WSCD2: variants seen among roughly 807,000 people sequenced by gnomAD.
WSCD2 encodes sialate:O-sulfotransferase 2.
In WSCD2, 28 loss-of-function variants were observed where a neutral mutation model predicts 55.7. The observed-to-expected ratio is 0.50, with a 90% CI of 0.37 to 0.69. The LOEUF (loss-of-function observed/expected upper bound fraction) is 0.69. Among genes scored for constraint, WSCD2 ranks in the 30% least tolerant of loss-of-function variants. The probability of loss-of-function intolerance (pLI) is 0.00; values close to 1 mark genes in which losing one functional copy is unlikely to be tolerated. For synonymous variants in WSCD2, 301 were observed against 301.9 expected, an observed-to-expected ratio of 1.00 and a Z score of 0.03; for missense variants, 616 against 762.1, an observed-to-expected ratio of 0.81 and a Z score of 2.26.
chr12:108,215,703 G>A (rs1288284932), intron 4 of WSCD2, among the ~76,000 whole-genome samples: 1 of 152,162 alleles, frequency 6.6e-6, no homozygotes, highest in East Asian at 1.9e-4. Flanking sequence ...AGTGGAGCTT[G>A]GCCTAATTAC....
chr12:108,216,284 G>C (rs1193079938), intron 4 of WSCD2, among the ~76,000 whole-genome samples: 1 of 152,182 alleles, frequency 6.6e-6, no homozygotes, highest in Non-Finnish European at 1.5e-5. Flanking sequence ...TCACCTCATA[G>C]GTTGCTGTGA....
chr12:108,194,091 C>T (rs751093109), intron 1 of WSCD2, among the ~76,000 whole-genome samples: 1 of 152,146 alleles, frequency 6.6e-6, no homozygotes, highest in Non-Finnish European at 1.5e-5. Flanking sequence ...TTCTAATTTA[C>T]ATTCTATTTT....
Position 108,210,271 on chromosome 12 carries a change from C to T in WSCD2, c.648C>T (p.Tyr216=), listed in dbSNP as rs775879562. The stretch of plus-strand genomic sequence containing the variant: ...GCGGCGCCAACCGCCTCTCTGTCTA[C>T]CGGCTGCAGCTGGCCCAGGAGTCGG... ...VCGGANRLSV[Y]RLQLAQESAR... is the part of the protein sequence containing the mutation. The change falls in exon 4 of 9, where the codon TAC becomes TAT. Residue 216 remains tyrosine (Y), a synonymous_variant. Transcript: ENST00000547525. This position sits in a 1 kb window ranked among gnomAD's most constrained non-coding sequence, Gnocchi z 4.3. 6 of 1,604,546 alleles carry T rather than the reference C, an allele frequency of 3.7e-6. No homozygotes were observed. The highest frequency in any genetic ancestry group is 4.3e-6 in the Non-Finnish European group (5 of 1,176,144).
chr12:108,248,504 G>C lies in WSCD2; in HGVS notation c.*161G>C. ...ATGAGTTTCCTGCATGACAGAGGAG[G>C]CTCAAGGGAAGAGATTGCCCAGGCA... On this transcript the variant is annotated 3_prime_UTR_variant, in exon 9 of 9. Transcript: ENST00000547525. This position sits in a 1 kb window ranked among gnomAD's most constrained non-coding sequence, Gnocchi z 4.3. 7.0e-7 allele frequency: 1 copy of C among 1,425,788 alleles called. No homozygotes were observed. The highest frequency in any genetic ancestry group is 2.5e-5 in the East Asian group (1 of 39,666). 88.3% of individuals were successfully genotyped at this position (1,425,788 alleles called of 1,614,324 possible). A position where few individuals can be genotyped will look rare whatever the true frequency, so the allele number is the denominator to read the frequency against.
chr12:108,224,256 C>T (rs1887834838), intron 4 of WSCD2, among the ~76,000 whole-genome samples: 2 of 93,564 alleles, frequency 2.1e-5, no homozygotes, highest in South Asian at 5.6e-4. Context: ...CCCGTAAAGC[C>T]CAGGGCAATG....
chr12:108,230,566 G>A (rs1888639782), intron 6 of WSCD2, among the ~76,000 whole-genome samples: 2 of 152,244 alleles, frequency 1.3e-5, no homozygotes, highest in African/African-American at 4.8e-5. Context: ...TTTTTCCTAT[G>A]TCACCCAAAA....
At chr12:108,173,427 T>C (rs915070505) in intron 1 of WSCD2, among the ~76,000 whole-genome samples, 2 of 152,116 alleles carry the variant, frequency 1.3e-5, no homozygotes, top group African/African-American at 2.4e-5. Flanking sequence ...ACGTGAAGGC[T>C]CTTGAATTAA....
intron 1 of WSCD2, among the ~76,000 whole-genome samples, chr12:108,132,653 G>A (rs1049644733): frequency 1.3e-5 from 2 of 152,224 alleles, no homozygotes; most frequent in African/African-American, 4.8e-5. Flanking sequence ...CTAAGCAGGT[G>A]TATGCCTGCA....
Position 108,248,631 on chromosome 12 carries a change from C to G in WSCD2, c.*288C>G. On this transcript the variant is annotated 3_prime_UTR_variant, in exon 9 of 9. Coordinates refer to ENST00000547525, the MANE Select transcript of WSCD2 (RefSeq NM_014653.4). This position sits in a 1 kb window ranked among gnomAD's most constrained non-coding sequence, Gnocchi z 4.3. ...TTTCTGTCTCCTGGGTCCCTGCCCC[C>G]ACCACTCTGGGTTCCATTTGTGGGA... The G allele has an allele frequency of 8.7e-7, 1 of 1,148,940 alleles. No homozygotes were observed. The highest frequency in any genetic ancestry group is 3.7e-4 in the Middle Eastern group (1 of 2,676). 71.2% of individuals were successfully genotyped at this position (1,148,940 alleles called of 1,614,324 possible).
At chr12:108,131,625 A>T (rs1035470275) in intron 1 of WSCD2, 2 of 152,312 alleles carry the variant, frequency 1.3e-5, no homozygotes, top group East Asian at 3.8e-4. Flanking sequence ...TGGGGCATCT[A>T]TCTGGGTGCT....
chr12:108,231,184 C>A (rs562933452), intron 6 of WSCD2, among the ~76,000 whole-genome samples: 2 of 152,198 alleles, frequency 1.3e-5, no homozygotes, highest in South Asian at 4.2e-4. Flanking sequence ...GGGAGGTTTG[C>A]CTGCCTTCCC....
intron 4 of WSCD2, among the ~76,000 whole-genome samples, chr12:108,212,099 T>C (rs1886265844): frequency 6.6e-6 from 1 of 152,168 alleles, no homozygotes; most frequent in South Asian, 2.1e-4. Flanking sequence ...AGTTCAGGTA[T>C]GAAGCCCTAG....
At chr12:108,133,807 G>A (rs2136854673) in intron 1 of WSCD2, among the ~76,000 whole-genome samples, 1 of 152,306 alleles carries the variant, frequency 6.6e-6, no homozygotes, top group African/African-American at 2.4e-5. Flanking sequence ...CTTCTACTTA[G>A]GACGGCTGCT....
In WSCD2 at chr12:108,173,810, C is replaced by CTCTGTGTG. The variant is rs376999073; in HGVS notation, c.-551-21471_-551-21470insCTGTGTGT. 7.3e-3 allele frequency among the ~76,000 whole-genome samples: 957 copies of CTCTGTGTG among 131,228 alleles called. 6 individuals are homozygous for CTCTGTGTG. The highest frequency in any genetic ancestry group is 9.8e-3 in the Non-Finnish European group (614 of 62,414). 86.1% of individuals were successfully genotyped at this position (131,228 alleles called of 152,430 possible). The stretch of plus-strand genomic sequence containing the variant: ...TGAGGCAGAGCTGATTCCTGGCTCT[C>CTCTGTGTG]TGTGTGTGTGTGTGTGTGTGTGTGT... On this transcript the variant is annotated intron_variant, in intron 1 of 8. Transcript: ENST00000547525.
In WSCD2 at chr12:108,148,667, G is replaced by T. The variant is rs148240481; in HGVS notation, c.-552+18741G>T. ...GAGTAAAAACCACTCAGTAATGAGTGGTAGAACCAGGCTGGAACCTAGGTC... is the reference window on the plus strand; with the variant it reads ...GAGTAAAAACCACTCAGTAATGAGTTGTAGAACCAGGCTGGAACCTAGGTC... On this transcript the variant is annotated intron_variant, in intron 1 of 8. Coordinates refer to ENST00000547525, the MANE Select transcript of WSCD2 (RefSeq NM_014653.4). Among the ~76,000 whole-genome samples, 19 of 152,216 alleles carry T rather than the reference G, an allele frequency of 1.2e-4. No homozygotes were observed. In the East Asian group the frequency reaches 2.9e-3, roughly 23 times the overall value.
chr12:108,153,101 T>TCAAACAAA (rs111444949), intron 1 of WSCD2, among the ~76,000 whole-genome samples: 43,539 of 150,592 alleles, frequency 0.29, 7,426 homozygotes, highest in Non-Finnish European at 0.38. Flanking sequence ...AGACTCTGTC[T>TCAAACAAA]CAAACAAACA....
chr12:108,177,395 A>T (rs1437646737), intron 1 of WSCD2, among the ~76,000 whole-genome samples: 1 of 152,134 alleles, frequency 6.6e-6, no homozygotes, highest in Non-Finnish European at 1.5e-5. Flanking sequence ...CTGTGTATTT[A>T]AAAGCAGTAA....
intron 4 of WSCD2, among the ~76,000 whole-genome samples, chr12:108,211,819 A>AT (rs1886223420): frequency 1.9e-5 from 1 of 52,198 alleles, no homozygotes; most frequent in African/African-American, 5.7e-5. Flanking sequence ...ATGCCTGGCT[A>AT]ATTTTTTTTT....
rs1875309055 is a variant in WSCD2, at chr12:108,129,924, C to T, written c.-554C>T. The stretch of plus-strand genomic sequence containing the variant: ...GAGTTTGCAAGTGGCGGAGACCCTT[C>T]AGGTAAGGACTCAGGTGCCTGGACC... On this transcript the variant is annotated splice_region_variant and 5_prime_UTR_variant, in exon 1 of 9. Transcript: ENST00000547525. 1.3e-5 allele frequency: 2 copies of T among 152,230 alleles called. No homozygotes were observed. Among genetic ancestry groups the T allele is most frequent in the Admixed American group, 1.3e-4 (2 of 15,288 alleles). 9.4% of individuals were successfully genotyped at this position (152,230 alleles called of 1,614,324 possible). A position where few individuals can be genotyped will look rare whatever the true frequency, so the allele number is the denominator to read the frequency against.
Sources: allele counts gnomAD v4.1 joint callset (sites outside exome capture counted in the v4.1 genomes callset), GRCh38; gene constraint gnomAD v4.1.1; non-coding constraint Gnocchi (gnomAD v3.1); transcripts MANE v1.5; gene names NCBI Gene and HGNC (gene_info 2026-07-23, HGNC 2026-07-21).